The following TNFSF4 variants were observed in gnomAD, a reference collection of about 807,000 sequenced individuals.
The protein encoded by TNFSF4 is TNF superfamily member 4.
TNFSF4 carries 4 observed loss-of-function variants against 7.3 expected under a neutral mutation model. The observed-to-expected ratio is 0.55, with a 90% CI of 0.27 to 1.25. TNFSF4 has a LOEUF of 1.25. TNFSF4 is among the 50% of genes most tolerant of loss of function. TNFSF4 has a pLI of 0.12. For missense variants in TNFSF4, 181 were observed against 208.8 expected, an observed-to-expected ratio of 0.87 and a Z score of 0.82; for synonymous variants, 76 against 83.7, an observed-to-expected ratio of 0.91 and a Z score of 0.50.
the TNFSF4 span, among the ~76,000 whole-genome samples, chr1:173,375,513 G>T: frequency 6.6e-6 from 1 of 152,142 alleles, no homozygotes; most frequent in East Asian, 1.9e-4. Context: ...GCATCAATCA[G>T]CACTCTGTAG....
At chr1:173,178,711 T>C in the TNFSF4 span, among the ~76,000 whole-genome samples, 1 of 152,196 alleles carries the variant, frequency 6.6e-6, no homozygotes, top group Non-Finnish European at 1.5e-5. Context: ...ATATTTCCGG[T>C]AGGTTGAATA....
chr1:173,188,217 T>G (rs956283649), intron 2 of TNFSF4, among the ~76,000 whole-genome samples: 1 of 152,184 alleles, frequency 6.6e-6, no homozygotes. Context: ...AAAGCCTTAG[T>G]TTCCCTAACT....
chr1:173,280,620 A>C, the TNFSF4 span, among the ~76,000 whole-genome samples: 1 of 152,264 alleles, frequency 6.6e-6, no homozygotes, highest in African/African-American at 2.4e-5. Context: ...TAAACATTTG[A>C]ATGCTTTCTC....
At chr1:173,326,938 C>T in the TNFSF4 span, among the ~76,000 whole-genome samples, 1 of 152,226 alleles carries the variant, frequency 6.6e-6, no homozygotes, top group Non-Finnish European at 1.5e-5. Flanking sequence ...AATGGCCATA[C>T]TGCCCAAGGT....
rs1455569063 is a variant in TNFSF4 at position 173,184,441 on chromosome 1, A to C, written c.*2075T>G. 1 of 152,204 alleles carries C rather than the reference A, an allele frequency of 6.6e-6. No homozygotes were observed. Among genetic ancestry groups the C allele is most frequent in the East Asian group, 1.9e-4 (1 of 5,198 alleles). The allele number at this position is 152,204 out of a possible 1,614,324, so 9.4% of individuals were successfully genotyped here. ...TGTGGTTGCAGAGGCCAACATGGGA[A>C]GAGCAGGCCAGGTGCACCCAAAGCG... On this transcript the variant is annotated 3_prime_UTR_variant, in exon 3 of 3. Coordinates refer to ENST00000281834, the MANE Select transcript of TNFSF4 (RefSeq NM_003326.5).
the TNFSF4 span, among the ~76,000 whole-genome samples, chr1:173,374,485 T>G: frequency 2.0e-5 from 3 of 152,240 alleles, no homozygotes; most frequent in East Asian, 5.8e-4. Context: ...CCTGCATGAC[T>G]GTAAGCTCAG....
the TNFSF4 span, among the ~76,000 whole-genome samples, chr1:173,404,110 C>T: frequency 2.6e-5 from 4 of 152,150 alleles, no homozygotes; most frequent in African/African-American, 7.2e-5. Context: ...AGCAAGAGAC[C>T]GTGACCCCAT....
At chr1:173,362,922 C>T in the TNFSF4 span, 5 of 463,580 alleles carry the variant, frequency 1.1e-5, no homozygotes, top group Non-Finnish European at 2.1e-5. Flanking sequence ...ATAATGTACT[C>T]GTGCACCAAA....
the TNFSF4 span, among the ~76,000 whole-genome samples, chr1:173,355,117 C>G: frequency 2.0e-5 from 3 of 152,166 alleles, no homozygotes; most frequent in Non-Finnish European, 2.9e-5. Context: ...TGCTCTCCCA[C>G]CAGCAATGGC....
chr1:173,395,910 AG>A, the TNFSF4 span, among the ~76,000 whole-genome samples: 1 of 152,124 alleles, frequency 6.6e-6, no homozygotes, highest in Non-Finnish European at 1.5e-5. Flanking sequence ...AACCAGTGGT[AG>A]CACTTACCCA....
the TNFSF4 span, among the ~76,000 whole-genome samples, chr1:173,239,770 C>T: frequency 6.6e-6 from 1 of 152,116 alleles, no homozygotes; most frequent in Admixed American, 6.5e-5. Context: ...GTGGCTCACA[C>T]CTATAATCCC....
At chr1:173,401,021 C>CATAT in the TNFSF4 span, among the ~76,000 whole-genome samples, 58 of 151,320 alleles carry the variant, frequency 3.8e-4, no homozygotes, top group East Asian at 3.7e-3. Flanking sequence ...TGTGTGTGTG[C>CATAT]ATATATATAT....
chr1:173,328,573 A>C, the TNFSF4 span, among the ~76,000 whole-genome samples: 2 of 151,844 alleles, frequency 1.3e-5, no homozygotes, highest in Admixed American at 1.3e-4. Flanking sequence ...CCCCCAAAAA[A>C]AAAACCCTAG....
the TNFSF4 span, among the ~76,000 whole-genome samples, chr1:173,255,504 T>C: frequency 6.6e-6 from 1 of 152,246 alleles, no homozygotes; most frequent in Non-Finnish European, 1.5e-5. Context: ...TATTAAATGT[T>C]ACCACATTGC....
chr1:173,383,798 T>C, the TNFSF4 span, among the ~76,000 whole-genome samples: 1 of 152,098 alleles, frequency 6.6e-6, no homozygotes, highest in East Asian at 1.9e-4. Context: ...TTCAACCACT[T>C]CCCAGCTATG....
the TNFSF4 span, among the ~76,000 whole-genome samples, chr1:173,427,953 CTTTT>C: frequency 3.0e-5 from 4 of 133,584 alleles, no homozygotes; most frequent in Admixed American, 7.6e-5. Context: ...CCATTATAAT[CTTTT>C]TTTTTTTTTT....
At chr1:173,421,148 G>A in the TNFSF4 span, among the ~76,000 whole-genome samples, 2 of 152,086 alleles carry the variant, frequency 1.3e-5, no homozygotes, top group Non-Finnish European at 2.9e-5. Flanking sequence ...AGGCCGCACA[G>A]TTAAATTTGA....
chr1:173,405,892 T>A, the TNFSF4 span, among the ~76,000 whole-genome samples: 2 of 152,236 alleles, frequency 1.3e-5, no homozygotes, highest in African/African-American at 4.8e-5. Flanking sequence ...TATGATGCTG[T>A]AGGCATTTTC....
the TNFSF4 span, among the ~76,000 whole-genome samples, chr1:173,341,209 CA>C: frequency 6.6e-6 from 1 of 152,096 alleles, no homozygotes; most frequent in Non-Finnish European, 1.5e-5. Context: ...TTTTTCATAG[CA>C]GCATGAGAAC....
Sources: allele counts gnomAD v4.1 joint callset (sites outside exome capture counted in the v4.1 genomes callset), GRCh38; gene constraint gnomAD v4.1.1; transcripts MANE v1.5; gene names NCBI Gene and HGNC (gene_info 2026-07-23, HGNC 2026-07-21).